TMCC1: variants seen among roughly 807,000 people sequenced by gnomAD.
TMCC1 encodes the protein transmembrane and coiled-coil domains protein 1.
A neutral mutation model predicts 52.4 loss-of-function variants in TMCC1; 15 were observed. The ratio of observed to expected loss-of-function variants is 0.29; its 90% CI spans 0.19 to 0.44. The LOEUF (loss-of-function observed/expected upper bound fraction) is 0.44, where lower values mean the gene tolerates loss of function less well. Ranked by LOEUF, TMCC1 falls within the 20% of genes least tolerant of loss-of-function variation. The pLI is 1.00. For synonymous variants in TMCC1, 279 were observed against 301.9 expected, an observed-to-expected ratio of 0.92 and a Z score of 0.79; for missense variants, 503 against 806.0, an observed-to-expected ratio of 0.62 and a Z score of 4.55.
intron 2 of TMCC1, among the ~76,000 whole-genome samples, chr3:129,861,221 A>G (rs1379950134): frequency 1.3e-5 from 2 of 152,088 alleles, no homozygotes; most frequent in Non-Finnish European, 2.9e-5. Flanking sequence ...CGGGCGGATC[A>G]TGAGGTCAGG....
intron 5 of TMCC1, 74 bp from the exon 6 acceptor site, chr3:129,655,177 C>T: frequency 6.5e-7 from 1 of 1,539,938 alleles, no homozygotes. Context: ...ACATCCAACT[C>T]CCAAAACACA....
intron 2 of TMCC1, among the ~76,000 whole-genome samples, chr3:129,878,555 A>G (rs1235780324): frequency 1.3e-5 from 2 of 152,166 alleles, no homozygotes; most frequent in Admixed American, 1.3e-4. Flanking sequence ...TCTCACCTTG[A>G]TTACAGTAAT....
intron 4 of TMCC1, among the ~76,000 whole-genome samples, chr3:129,808,730 T>A (rs1157360617): frequency 6.6e-6 from 1 of 150,612 alleles, no homozygotes; most frequent in Non-Finnish European, 1.5e-5. Flanking sequence ...AAAATTTTAA[T>A]AAGATATGGA....
chr3:129,739,551 AAC>A (rs965580563), intron 4 of TMCC1, among the ~76,000 whole-genome samples: 3 of 152,250 alleles, frequency 2.0e-5, no homozygotes, highest in African/African-American at 7.2e-5. Context: ...GAGCTGAAGG[AAC>A]ACAGTTTAAG....
intron 4 of TMCC1, among the ~76,000 whole-genome samples, chr3:129,751,749 C>G (rs1463472402): frequency 1.3e-5 from 2 of 152,038 alleles, no homozygotes; most frequent in African/African-American, 4.8e-5. Flanking sequence ...TTAGGAGACA[C>G]AGGGTTTCAC....
At chr3:129,782,595 G>A (rs1394765981) in intron 4 of TMCC1, among the ~76,000 whole-genome samples, 1 of 152,068 alleles carries the variant, frequency 6.6e-6, no homozygotes, top group South Asian at 2.1e-4. Context: ...AATTAGAATG[G>A]TACTAACGGA....
intron 4 of TMCC1, among the ~76,000 whole-genome samples, chr3:129,781,082 C>T (rs1185272176): frequency 6.6e-6 from 1 of 152,112 alleles, no homozygotes; most frequent in South Asian, 2.1e-4. Flanking sequence ...TAGGCAAAAC[C>T]TCTTACCACA....
chr3:129,818,401 T>TAAGAAACTTTTAAAGAAAAGTTTCA (rs2058218419), intron 4 of TMCC1, among the ~76,000 whole-genome samples: 1 of 150,762 alleles, frequency 6.6e-6, no homozygotes, highest in Non-Finnish European at 1.5e-5. Flanking sequence ...TAAAAGTTTC[T>TAAGAAACTTTTAAAGAAAAGTTTCA]AAGAAACTTT....
chr3:129,684,907 T>A (rs2089293256), intron 4 of TMCC1, among the ~76,000 whole-genome samples: 1 of 152,204 alleles, frequency 6.6e-6, no homozygotes, highest in Admixed American at 6.5e-5. Flanking sequence ...ATTTTGCAAT[T>A]ATTTTTTCTT....
chr3:129,872,321 G>A (rs1483676756), intron 2 of TMCC1, among the ~76,000 whole-genome samples: 4 of 152,146 alleles, frequency 2.6e-5, no homozygotes, highest in Non-Finnish European at 5.9e-5. Flanking sequence ...TACACAGGAA[G>A]TGCACTCAAA....
In TMCC1 at chr3:129,759,994, T is replaced by C. The variant is rs375805552; in HGVS notation, c.576+67809A>G. 4.6e-5 allele frequency among the ~76,000 whole-genome samples: 7 copies of C among 151,938 alleles called. No individual in the cohort carries two copies. The East Asian group carries it at 1.4e-3, about 29-fold the overall frequency. On this transcript the variant is annotated intron_variant, in intron 4 of 6. Transcript: ENST00000393238. ...CCTCGGCCTCCCAAAGTGCTAGGAT[T>C]ACAGGAGTGAGCCACCGCACCCGGC...
At chr3:129,735,015 C>T (rs369773106) in intron 4 of TMCC1, among the ~76,000 whole-genome samples, 86 of 151,762 alleles carry the variant, frequency 5.7e-4, no homozygotes, top group African/African-American at 2.1e-3. Context: ...TGTTCTCCTG[C>T]CTCAGCCTCC....
chr3:129,679,564 AAAGTGCTG>A (rs2088790612), intron 4 of TMCC1, among the ~76,000 whole-genome samples: 1 of 152,168 alleles, frequency 6.6e-6, no homozygotes, highest in East Asian at 1.9e-4. Context: ...TTGGCCTCCC[AAAGTGCTG>A]GGATTACAGG....
chr3:129,816,020 A>C (rs1016337097), intron 4 of TMCC1, among the ~76,000 whole-genome samples: 3 of 152,206 alleles, frequency 2.0e-5, no homozygotes, highest in African/African-American at 7.2e-5. Flanking sequence ...GAGAAATGCA[A>C]ATCAAAACCA....
chr3:129,694,392 T>C (rs1387800266), intron 4 of TMCC1, among the ~76,000 whole-genome samples: 2 of 152,236 alleles, frequency 1.3e-5, no homozygotes, highest in African/African-American at 4.8e-5. Flanking sequence ...CCAAACCTAA[T>C]GAGACTGTCA....
At chr3:129,794,193 G>A (rs2056659733) in intron 4 of TMCC1, 2 of 393,278 alleles carry the variant, frequency 5.1e-6, no homozygotes, top group Non-Finnish European at 9.9e-6. Context: ...ACAAAAGGCA[G>A]TGCTTCCTCC....
intron 4 of TMCC1, among the ~76,000 whole-genome samples, chr3:129,791,375 G>A (rs1184568111): frequency 6.6e-6 from 1 of 152,112 alleles, no homozygotes; most frequent in Non-Finnish European, 1.5e-5. Flanking sequence ...TTACAGATAT[G>A]AGTCACCGCA....
chr3:129,810,796 G>A (rs2057764095), intron 4 of TMCC1, among the ~76,000 whole-genome samples: 1 of 152,188 alleles, frequency 6.6e-6, no homozygotes, highest in South Asian at 2.1e-4. Context: ...TCCTTCAGGT[G>A]TTTTGCATTT....
chr3:129,784,314 C>T (rs565303816), intron 4 of TMCC1, among the ~76,000 whole-genome samples: 36 of 152,218 alleles, frequency 2.4e-4, no homozygotes, highest in African/African-American at 7.2e-4. Flanking sequence ...CATGGTGGCT[C>T]GCGCCTGTAA....
Sources: allele counts gnomAD v4.1 joint callset (sites outside exome capture counted in the v4.1 genomes callset), GRCh38; gene constraint gnomAD v4.1.1; transcripts MANE v1.5; gene names NCBI Gene and HGNC (gene_info 2026-07-23, HGNC 2026-07-21).